The following TANGO2 variants were observed in gnomAD, a reference collection of about 807,000 sequenced individuals.
The protein encoded by TANGO2 is transport and golgi organization 2 homolog.
Under a neutral mutation model 39.1 loss-of-function variants are expected in TANGO2, and 26 were observed. The ratio of observed to expected loss-of-function variants is 0.67; its 90% CI spans 0.49 to 0.92. The LOEUF is 0.92. Ranked by LOEUF, TANGO2 falls within the 40% of genes least tolerant of loss-of-function variation. TANGO2 has a pLI of 0.00. For synonymous variants in TANGO2, 131 were observed against 144.5 expected (o/e 0.91, Z 0.67); for missense variants, 326 against 360.1 (o/e 0.91, Z 0.77).
chr22:20,018,502 C>A (rs1008436474), upstream of TANGO2, among the ~76,000 whole-genome samples: 1 of 152,182 alleles, frequency 6.6e-6, no homozygotes, highest in Admixed American at 6.5e-5. Flanking sequence ...TCACAGTTAC[C>A]TCATAGTCCT....
At chr22:20,047,923 G>GTTTTTTTTTTTTTT (rs201871525) in intron 3 of TANGO2, 1 of 148,756 alleles carries the variant, frequency 6.7e-6, no homozygotes, top group Non-Finnish European at 1.5e-5. Flanking sequence ...ATCTGATAGT[G>GTTTTTTTTTTTTTT]TTTTGTTTTT....
At chr22:20,028,967 G>A (rs2041321493) in intron 1 of TANGO2, among the ~76,000 whole-genome samples, 1 of 152,216 alleles carries the variant, frequency 6.6e-6, no homozygotes, top group Non-Finnish European at 1.5e-5. Flanking sequence ...CAGGCCATGT[G>A]CGCATCCATC....
chr22:20,045,822 G>C (rs2045068788), intron 3 of TANGO2, among the ~76,000 whole-genome samples: 1 of 151,914 alleles, frequency 6.6e-6, no homozygotes, highest in Admixed American at 6.6e-5. Context: ...TTTTCAAGTA[G>C]TTTTTCTGTC....
intron 1 of TANGO2, among the ~76,000 whole-genome samples, chr22:20,027,381 G>A (rs1481829121): frequency 6.6e-6 from 1 of 152,182 alleles, no homozygotes; most frequent in Non-Finnish European, 1.5e-5. Flanking sequence ...CGCTTGATGG[G>A]ACGAAGACAC....
chr22:20,030,150 CTTTTTT>C (rs66601369), intron 1 of TANGO2, among the ~76,000 whole-genome samples: 2 of 123,878 alleles, frequency 1.6e-5, no homozygotes, highest in Non-Finnish European at 3.3e-5. Flanking sequence ...TAAGCAGTTG[CTTTTTT>C]TTTTTTTTTT....
chr22:20,035,317 C>T (rs73150855), intron 1 of TANGO2, among the ~76,000 whole-genome samples: 4,655 of 152,370 alleles, frequency 0.031, 112 homozygotes, highest in Non-Finnish European at 0.05. Flanking sequence ...TCTTCACCTC[C>T]GTCCCCACTC....
rs772019892 is a variant in TANGO2 at position 20,053,469 on chromosome 22, G to C, written c.298G>C (p.Val100Leu). ...ELVTHFLTTD[V>L]DSLSYLKKVS... Reference sequence around the variant, plus strand: ...TGTCACCCACTTTCTGACCACTGACGTGGACAGCTTGTCCTACCTGAAGAA... The same window carrying C: ...TGTCACCCACTTTCTGACCACTGACCTGGACAGCTTGTCCTACCTGAAGAA... The change falls in exon 5 of 9, where the codon GTG becomes CTG. Residue 100 changes from valine (V) to leucine (L), a missense_variant. Val to Leu is a conservative substitution (Grantham distance 32, BLOSUM62 1). Transcript: ENST00000327374. The C allele has an allele frequency of 6.2e-7, 1 of 1,613,860 alleles. No individual in the cohort carries two copies. Among genetic ancestry groups the C allele is most frequent in the Non-Finnish European group, 8.5e-7 (1 of 1,179,748 alleles).
intron 1 of TANGO2, among the ~76,000 whole-genome samples, chr22:20,028,531 G>A (rs117183834): frequency 6.6e-6 from 1 of 152,382 alleles, no homozygotes; most frequent in East Asian, 1.9e-4. Context: ...GCCAGTCGTG[G>A]CTACAGGAGA....
At chr22:20,048,668 G>A (rs999990500) in intron 3 of TANGO2, among the ~76,000 whole-genome samples, 6 of 151,578 alleles carry the variant, frequency 4.0e-5, no homozygotes, top group African/African-American at 1.5e-4. Context: ...CTTTTGAGTG[G>A]GTGGAGTCTT....
chr22:20,053,418 A>T lies in TANGO2; in HGVS notation c.266-19A>T, dbSNP rs1163839164. On this transcript the variant is annotated intron_variant, in intron 4 of 8. Coordinates refer to ENST00000327374, the MANE Select transcript of TANGO2 (RefSeq NM_152906.7). Reference sequence around the variant, plus strand: ...ACATGCCTGCAGCTGTGGACACAGCATCTGTCCCCTGCCTACAGGTGAACT... The same window carrying T: ...ACATGCCTGCAGCTGTGGACACAGCTTCTGTCCCCTGCCTACAGGTGAACT... The T allele has an allele frequency of 6.5e-7, 1 of 1,532,232 alleles. No individual in the cohort carries two copies. 94.9% of individuals were successfully genotyped at this position (1,532,232 alleles called of 1,614,324 possible). A position where few individuals can be genotyped will look rare whatever the true frequency, so the allele number is the denominator to read the frequency against.
chr22:20,053,358 A>G (rs767768833), intron 4 of TANGO2, 79 bp from the exon 5 acceptor site: 97 of 947,376 alleles, frequency 1.0e-4, no homozygotes, highest in Non-Finnish European at 1.5e-4. Flanking sequence ...CATCCTCCCC[A>G]GGGGGCCCCA....
chr22:20,028,354 A>G (rs1416882624), intron 1 of TANGO2, among the ~76,000 whole-genome samples: 2 of 152,188 alleles, frequency 1.3e-5, no homozygotes, highest in Non-Finnish European at 2.9e-5. Flanking sequence ...GCCTCAAACA[A>G]TCCTCCTGCT....
chr22:20,039,801 G>A (rs1040404709), intron 2 of TANGO2, among the ~76,000 whole-genome samples: 14 of 151,608 alleles, frequency 9.2e-5, no homozygotes, highest in Admixed American at 8.5e-4. Flanking sequence ...CCTCCTATCT[G>A]TCACCAAACT....
intron 3 of TANGO2, among the ~76,000 whole-genome samples, chr22:20,047,585 G>A (rs2045486904): frequency 6.6e-6 from 1 of 152,062 alleles, no homozygotes; most frequent in African/African-American, 2.4e-5. Flanking sequence ...CCAAACTATG[G>A]CAGCCATGAA....
chr22:20,059,960 AT>A (rs757459768), intron 6 of TANGO2, among the ~76,000 whole-genome samples: 439 of 142,876 alleles, frequency 3.1e-3, no homozygotes, highest in Middle Eastern at 3.6e-3. Context: ...TAAGTTAACT[AT>A]TTTTTTTTTT....
At chr22:20,052,677 C>A in intron 4 of TANGO2, 93 bp downstream of exon 4, 1 of 1,458,148 alleles carries the variant, frequency 6.9e-7, no homozygotes, top group Non-Finnish European at 9.3e-7. Flanking sequence ...CAGGACTGGC[C>A]AATGTATGGT....
chr22:20,030,548 T>C (rs977748288), intron 1 of TANGO2, among the ~76,000 whole-genome samples: 2 of 152,180 alleles, frequency 1.3e-5, no homozygotes, highest in African/African-American at 4.8e-5. Context: ...GGTTTCACCA[T>C]ATTGGCCAGG....
intron 2 of TANGO2, among the ~76,000 whole-genome samples, chr22:20,041,964 T>A (rs2147207063): frequency 6.6e-6 from 1 of 151,926 alleles, no homozygotes; most frequent in Non-Finnish European, 1.5e-5. Flanking sequence ...GCACAAGTGC[T>A]CAGGGGGTCT....
At chr22:20,036,891 G>A (rs376749583) in intron 2 of TANGO2, 37 bp downstream of exon 2, 1 of 1,614,220 alleles carries the variant, frequency 6.2e-7, no homozygotes, top group Admixed American at 1.7e-5. Flanking sequence ...CGCCCTGCAG[G>A]GTCCTGGGTG....
Sources: allele counts gnomAD v4.1 joint callset (sites outside exome capture counted in the v4.1 genomes callset), GRCh38; gene constraint gnomAD v4.1.1; transcripts MANE v1.5; gene names NCBI Gene and HGNC (gene_info 2026-07-23, HGNC 2026-07-21).